Variants in CTNNA2 observed in about 807,000 individuals in gnomAD.
The protein encoded by CTNNA2 is catenin alpha-2.
A neutral mutation model predicts 101.0 loss-of-function variants in CTNNA2; 42 were observed. The observed-to-expected ratio is 0.42, with a 90% CI of 0.32 to 0.54. CTNNA2 has a LOEUF of 0.54. Ranked by LOEUF, CTNNA2 falls within the 20% of genes least tolerant of loss-of-function variation. CTNNA2 has a pLI of 0.14. For missense variants in CTNNA2, 871 were observed against 1,223.1 expected, an observed-to-expected ratio of 0.71 and a Z score of 4.29; for synonymous variants, 450 against 456.4, an observed-to-expected ratio of 0.99 and a Z score of 0.18.
At chr2:80,418,106 G>A (rs935699321) in intron 8 of CTNNA2, among the ~76,000 whole-genome samples, 1 of 151,968 alleles carries the variant, frequency 6.6e-6, no homozygotes, top group African/African-American at 2.4e-5. Flanking sequence ...TCCATTGTGG[G>A]CCTGTTCTGG....
intron 2 of CTNNA2, among the ~76,000 whole-genome samples, chr2:79,259,031 A>G (rs560416707): frequency 2.6e-5 from 4 of 152,238 alleles, no homozygotes; most frequent in African/African-American, 9.6e-5. Flanking sequence ...GCCGATTAAG[A>G]GTTTCCCAGA....
intron 7 of CTNNA2, among the ~76,000 whole-genome samples, chr2:80,386,575 C>A (rs895495428): frequency 6.6e-6 from 1 of 152,134 alleles, no homozygotes; most frequent in Admixed American, 6.5e-5. Context: ...ATAATTTTTT[C>A]TTCTCCCTCC....
At chr2:79,749,937 C>T (rs72822601) in intron 3 of CTNNA2, among the ~76,000 whole-genome samples, 12,599 of 152,168 alleles carry the variant, frequency 0.083, 603 homozygotes, top group Non-Finnish European at 0.098. Context: ...GAGCAAGTCC[C>T]GGCCTTTCCA....
chr2:80,612,885 A>G (rs1031521111), intron 17 of CTNNA2: 3 of 151,528 alleles, frequency 2.0e-5, no homozygotes, highest in Non-Finnish European at 4.4e-5. Flanking sequence ...GTTTCATTTG[A>G]ACAAAAGGGT....
At chr2:79,480,735 A>G (rs1671100411) in intron 4 of CTNNA2, among the ~76,000 whole-genome samples, 1 of 152,194 alleles carries the variant, frequency 6.6e-6, no homozygotes, top group South Asian at 2.1e-4. Flanking sequence ...ACACTCTGGT[A>G]CTTCGATTTT....
At chr2:79,915,302 CACAA>C (rs1025438479) in intron 7 of CTNNA2, among the ~76,000 whole-genome samples, 15 of 84,158 alleles carry the variant, frequency 1.8e-4, no homozygotes, top group African/African-American at 6.4e-4. Context: ...TACACACACA[CACAA>C]ACACACACAC....
chr2:80,513,650 T>A (rs1688884431), intron 9 of CTNNA2, among the ~76,000 whole-genome samples: 1 of 152,240 alleles, frequency 6.6e-6, no homozygotes, highest in Admixed American at 6.5e-5. Flanking sequence ...ACATGATAGA[T>A]GGAACGCATA....
At chr2:79,972,752 G>A (rs568375029) in intron 7 of CTNNA2, among the ~76,000 whole-genome samples, 45 of 152,174 alleles carry the variant, frequency 3.0e-4, no homozygotes, top group Non-Finnish European at 5.0e-4. Context: ...CCAAAATAGA[G>A]CACATATTTT....
At chr2:80,212,482 G>T (rs529729574) in intron 7 of CTNNA2, among the ~76,000 whole-genome samples, 22 of 152,230 alleles carry the variant, frequency 1.4e-4, no homozygotes, top group African/African-American at 4.8e-4. Flanking sequence ...TAATCATGTG[G>T]TTTTTGTCTT....
At chr2:79,278,837 G>C (rs1214293170) in intron 2 of CTNNA2, among the ~76,000 whole-genome samples, 1 of 152,120 alleles carries the variant, frequency 6.6e-6, no homozygotes, top group Non-Finnish European at 1.5e-5. Context: ...AAGAGGGCCA[G>C]GTCCTCTGCT....
chr2:80,140,363 C>T (rs1446762480), intron 7 of CTNNA2, among the ~76,000 whole-genome samples: 1 of 152,164 alleles, frequency 6.6e-6, no homozygotes, highest in Non-Finnish European at 1.5e-5. Context: ...CTCGGGCATG[C>T]CATGACCTTG....
chr2:79,922,626 C>A (rs1686745063), intron 7 of CTNNA2, among the ~76,000 whole-genome samples: 1 of 149,060 alleles, frequency 6.7e-6, no homozygotes, highest in Non-Finnish European at 1.5e-5. Context: ...ACCTTTAAAA[C>A]CATATCAGTT....
rs117950182 is a variant in CTNNA2 at position 80,465,245 on chromosome 2, G to A, written c.1290+45644G>A. On this transcript the variant is annotated intron_variant, in intron 9 of 18. Coordinates refer to ENST00000402739, the MANE Select transcript of CTNNA2 (RefSeq NM_001282597.3). ...GAAACACATGATAGGCTCCATGAAT[G>A]TCAAGTAAATATATGCATTTTGTGA... Among the ~76,000 whole-genome samples the A allele has an allele frequency of 2.8e-3, 420 of 152,282 alleles. 3 individuals are homozygous for A. Among genetic ancestry groups the A allele is most frequent in the East Asian group, 0.024 (127 of 5,186 alleles).
At chr2:80,513,418 T>A (rs1016099570) in intron 9 of CTNNA2, among the ~76,000 whole-genome samples, 3 of 152,212 alleles carry the variant, frequency 2.0e-5, no homozygotes, top group African/African-American at 7.2e-5. Context: ...CTGTACCACC[T>A]CAGGTGTATA....
intron 7 of CTNNA2, among the ~76,000 whole-genome samples, chr2:80,146,603 T>A (rs1703349400): frequency 1.3e-5 from 2 of 152,078 alleles, no homozygotes; most frequent in Non-Finnish European, 2.9e-5. Flanking sequence ...GAGTCTAGAT[T>A]TGGACCACGA....
intron 7 of CTNNA2, among the ~76,000 whole-genome samples, chr2:80,276,759 C>A (rs1673942781): frequency 6.6e-6 from 1 of 152,038 alleles, no homozygotes; most frequent in African/African-American, 2.4e-5. Flanking sequence ...AGAACTCACT[C>A]AATTCCATGA....
intron 7 of CTNNA2, among the ~76,000 whole-genome samples, chr2:80,057,734 C>T (rs1250619344): frequency 6.6e-6 from 1 of 152,108 alleles, no homozygotes; most frequent in African/African-American, 2.4e-5. Flanking sequence ...AGGAAAGGAC[C>T]AAGACTTCAA....
At chr2:79,635,466 A>C (rs1679965888) in intron 1 of CTNNA2, among the ~76,000 whole-genome samples, 1 of 151,472 alleles carries the variant, frequency 6.6e-6, no homozygotes. Flanking sequence ...AAAAGTGACT[A>C]CTGCATTTCT....
intron 1 of CTNNA2, among the ~76,000 whole-genome samples, chr2:79,533,868 C>A (rs1558706022): frequency 6.6e-6 from 1 of 152,092 alleles, no homozygotes; most frequent in Non-Finnish European, 1.5e-5. Flanking sequence ...ATCCATATAT[C>A]CTACATTAAT....
Sources: gnomAD v4.1 joint callset for allele counts (sites outside exome capture counted in the v4.1 genomes callset) on GRCh38, gnomAD v4.1.1 for gene constraint, MANE v1.5 for transcripts, NCBI Gene and HGNC (gene_info 2026-07-23, HGNC 2026-07-21) for gene names.